MLYCD: variants seen among roughly 807,000 people sequenced by gnomAD.
MLYCD encodes malonyl-CoA decarboxylase, also known as malonyl-CoA decarboxylase, mitochondrial.
Under a neutral mutation model 35.8 loss-of-function variants are expected in MLYCD, and 27 were observed. The ratio of observed to expected loss-of-function variants is 0.75; its 90% CI spans 0.56 to 1.04. The LOEUF is 1.04. Ranked by LOEUF, MLYCD falls within the 50% of genes least tolerant of loss-of-function variation. MLYCD has a pLI of 0.00. For synonymous variants in MLYCD, 403 were observed against 302.4 expected, an observed-to-expected ratio of 1.33 and a Z score of -3.45; for missense variants, 917 against 665.1, an observed-to-expected ratio of 1.38 and a Z score of -4.17.
Position 83,915,221 on chromosome 16 carries a change from A to G in MLYCD, c.1214A>G (p.Tyr405Cys). Residue 405 changes from tyrosine (Y) to cysteine (C), a missense_variant, in exon 5 of 5, where the codon TAC (tyrosine) becomes TGC (cysteine). Physicochemically the swap from Tyr to Cys is radical, Grantham distance 194. Coordinates refer to ENST00000262430, the MANE Select transcript of MLYCD (RefSeq NM_012213.3). ...CCGCTGATGAGGCTGTGCGCCTGGTACCTGTATGGAGAGAAGCACCGCGGC... is the reference window on the plus strand; with the variant it reads ...CCGCTGATGAGGCTGTGCGCCTGGTGCCTGTATGGAGAGAAGCACCGCGGC... ...QTPLMRLCAW[Y>C]LYGEKHRGYA... 1.2e-6 allele frequency: 2 copies of G among 1,613,882 alleles called. No homozygotes were observed. The highest frequency in any genetic ancestry group is 1.1e-5 in the South Asian group (1 of 91,084).
rs1907635587 is a variant in MLYCD, at chr16:83,920,968, TGGAA to T, written c.*5489_*5492del. 1 of 144,940 alleles carries T rather than the reference TGGAA, an allele frequency of 6.9e-6. No individual in the cohort carries two copies. Among genetic ancestry groups the T allele is most frequent in the Non-Finnish European group, 1.5e-5 (1 of 66,354 alleles). 9.0% of individuals were successfully genotyped at this position (144,940 alleles called of 1,614,324 possible). ...TGACAGATGGATGGTGGAGGGTTAA[TGGAA>T]GGAAGGAAGATGGATGGGTGGAAGG... is the stretch of plus-strand genomic sequence containing the variant. On this transcript the variant is annotated 3_prime_UTR_variant, in exon 5 of 5. Transcript: ENST00000262430.
chr16:83,912,203 G>T lies in MLYCD; in HGVS notation c.799-15G>T. The T allele has an allele frequency of 6.2e-7, 1 of 1,614,152 alleles. No individual in the cohort carries two copies. The highest frequency in any genetic ancestry group is 8.5e-7 in the Non-Finnish European group (1 of 1,180,014). On this transcript the variant is annotated splice_polypyrimidine_tract_variant and intron_variant, in intron 3 of 4. Coordinates refer to ENST00000262430, the MANE Select transcript of MLYCD (RefSeq NM_012213.3). ...CGGCCAGGCCACCCTTAGAACCATCGTTGGTGTTTTCCAGGCAATCGTGAA... is the reference window on the plus strand; with the variant it reads ...CGGCCAGGCCACCCTTAGAACCATCTTTGGTGTTTTCCAGGCAATCGTGAA...
chr16:83,917,429 C>T lies in MLYCD; in HGVS notation c.*1940C>T, dbSNP rs1422386103. The T allele has an allele frequency of 6.5e-6, 1 of 154,678 alleles. No individual in the cohort carries two copies. The highest frequency in any genetic ancestry group is 1.5e-5 in the Non-Finnish European group (1 of 68,310). The allele number at this position is 154,678 out of a possible 1,614,324, so 9.6% of individuals were successfully genotyped here. ...TCTTTGTGTGTCTGTGTGCGTGTGT[C>T]CGCAGTTGCCCTGTCCTCGCTGTCC... On this transcript the variant is annotated 3_prime_UTR_variant, in exon 5 of 5. Transcript: ENST00000262430.
At chr16:83,905,881 G>A (rs990479758) in intron 1 of MLYCD, among the ~76,000 whole-genome samples, 3 of 152,244 alleles carry the variant, frequency 2.0e-5, no homozygotes, top group African/African-American at 7.2e-5. Flanking sequence ...GCACCGAGGC[G>A]ACGCTGCTCC....
At chr16:83,900,318 A>G (rs1170784147) in intron 1 of MLYCD, among the ~76,000 whole-genome samples, 1 of 152,220 alleles carries the variant, frequency 6.6e-6, no homozygotes, top group African/African-American at 2.4e-5. Context: ...TTCATGTTAA[A>G]TGCAGACACA....
intron 4 of MLYCD, chr16:83,914,643 G>A: frequency 2.5e-6 from 1 of 406,696 alleles, no homozygotes; most frequent in Non-Finnish European, 4.6e-6. Flanking sequence ...GCTGGGTGTG[G>A]CGGCGCGAGC....
chr16:83,912,506 C>T lies in MLYCD; in HGVS notation c.948+139C>T, dbSNP rs1907217030. The stretch of plus-strand genomic sequence containing the variant: ...GAGGGGCAGGGGGTAGAAAAGGTGC[C>T]AGAGACCCCTTGGCAACTCCTAGGA... On this transcript the variant is annotated intron_variant, in intron 4 of 4. Coordinates refer to ENST00000262430, the MANE Select transcript of MLYCD (RefSeq NM_012213.3). 1.2e-5 allele frequency: 14 copies of T among 1,208,940 alleles called. 1 individual carries two copies. The highest frequency in any genetic ancestry group is 1.4e-5 in the Non-Finnish European group (12 of 846,980). The allele number at this position is 1,208,940 out of a possible 1,614,324, so 74.9% of individuals were successfully genotyped here. A position where few individuals can be genotyped will look rare whatever the true frequency, so the allele number is the denominator to read the frequency against.
chr16:83,911,008 C>G (rs1448429302), intron 3 of MLYCD, among the ~76,000 whole-genome samples: 1 of 152,114 alleles, frequency 6.6e-6, no homozygotes, highest in East Asian at 1.9e-4. Context: ...GACGGAGTCT[C>G]GCTCTGTGCC....
chr16:83,907,154 G>T, intron 2 of MLYCD, 55 bp downstream of exon 2: 1 of 1,429,682 alleles, frequency 7.0e-7, no homozygotes, highest in Non-Finnish European at 9.9e-7. Context: ...ATATATTTGT[G>T]TATGTTTTAT....
Position 83,899,355 on chromosome 16 carries a change from T to C in MLYCD, c.211T>C (p.Phe71Leu), listed in dbSNP as rs1264513177. 2.0e-6 allele frequency: 3 copies of C among 1,524,694 alleles called. No homozygotes were observed. Among genetic ancestry groups the C allele is most frequent in the Admixed American group, 4.0e-5 (2 of 50,334 alleles). 94.4% of individuals were successfully genotyped at this position (1,524,694 alleles called of 1,614,324 possible). A position where few individuals can be genotyped will look rare whatever the true frequency, so the allele number is the denominator to read the frequency against. The change falls in exon 1 of 5, where the codon TTC becomes CTC. Residue 71 changes from phenylalanine to leucine, a missense_variant. Physicochemically the swap from Phe to Leu is conservative, Grantham distance 22 (BLOSUM62 0). Coordinates refer to ENST00000262430, the MANE Select transcript of MLYCD (RefSeq NM_012213.3). ...PAPAEGQCAD[F>L]VSFYGGLAET... The stretch of plus-strand genomic sequence containing the variant: ...GCCCGCCGAGGGTCAGTGCGCGGAC[T>C]TCGTGAGCTTCTACGGTGGGCTGGC...
rs59173426 is a variant in MLYCD, at chr16:83,919,995, CACA to C, written c.*4510_*4512del. ...AACAGAACACACGCAGTGCACAGGA[CACA>C]ACAGAACACACGTGCACAGGAGAAC... is the stretch of plus-strand genomic sequence containing the variant. On this transcript the variant is annotated 3_prime_UTR_variant, in exon 5 of 5. Coordinates refer to ENST00000262430, the MANE Select transcript of MLYCD (RefSeq NM_012213.3). The C allele has an allele frequency of 0.039, 5,861 of 150,314 alleles. 295 individuals carry two copies. Among genetic ancestry groups the C allele is most frequent in the African/African-American group, 0.12 (4,894 of 40,634 alleles). 9.3% of individuals were successfully genotyped at this position (150,314 alleles called of 1,614,324 possible). A position where few individuals can be genotyped will look rare whatever the true frequency, so the allele number is the denominator to read the frequency against.
chr16:83,916,634 GTC>G lies in MLYCD; in HGVS notation c.*1147_*1148del, dbSNP rs1907403459. The G allele has an allele frequency of 7.2e-6, 1 of 139,182 alleles. No homozygotes were observed. The highest frequency in any genetic ancestry group is 2.7e-5 in the African/African-American group (1 of 36,402). 8.6% of individuals were successfully genotyped at this position (139,182 alleles called of 1,614,324 possible). On this transcript the variant is annotated 3_prime_UTR_variant, in exon 5 of 5. Coordinates refer to ENST00000262430, the MANE Select transcript of MLYCD (RefSeq NM_012213.3). ...AGCGTCTCTGTGTGGATCAGTGCAC[GTC>G]TGTGTGCGTGTGCACGAGCATCTCT...
chr16:83,919,735 A>ACGGGG lies in MLYCD; in HGVS notation c.*4247_*4248insGGGGC, dbSNP rs1289163644. The ACGGGG allele has an allele frequency of 4.0e-5, 6 of 151,380 alleles. No homozygotes were observed. The highest frequency in any genetic ancestry group is 1.5e-4 in the African/African-American group (6 of 40,576). The allele number at this position is 151,380 out of a possible 1,614,324, so 9.4% of individuals were successfully genotyped here. On this transcript the variant is annotated 3_prime_UTR_variant, in exon 5 of 5. Transcript: ENST00000262430. ...GGAGAACACACAGTGCACAGAACAC[A>ACGGGG]CAGTGCACAGAACACACGGTGCACA... is the stretch of plus-strand genomic sequence containing the variant.
chr16:83,922,603 C>A lies in MLYCD; in HGVS notation c.*7114C>A, dbSNP rs978260695. The A allele has an allele frequency of 7.9e-5, 12 of 152,372 alleles. No individual in the cohort carries two copies. The highest frequency in any genetic ancestry group is 2.9e-4 in the African/African-American group (12 of 41,466). The allele number at this position is 152,372 out of a possible 1,614,324, so 9.4% of individuals were successfully genotyped here. A position where few individuals can be genotyped will look rare whatever the true frequency, so the allele number is the denominator to read the frequency against. ...TACCCTTGCTTTGCCTCAGTTTCCT[C>A]ATCTTTAAGTGGCAGTAACCATAGT... On this transcript the variant is annotated 3_prime_UTR_variant, in exon 5 of 5. Coordinates refer to ENST00000262430, the MANE Select transcript of MLYCD (RefSeq NM_012213.3).
chr16:83,907,635 T>G (rs966405283), intron 2 of MLYCD, among the ~76,000 whole-genome samples: 7 of 152,204 alleles, frequency 4.6e-5, no homozygotes, highest in African/African-American at 1.4e-4. Flanking sequence ...AATCCATGGT[T>G]TGAAAAGTGT....
At chr16:83,909,192 A>G (rs1907085073) in intron 3 of MLYCD, among the ~76,000 whole-genome samples, 1 of 152,260 alleles carries the variant, frequency 6.6e-6, no homozygotes, top group African/African-American at 2.4e-5. Context: ...ATGGATGAAA[A>G]TTCAGAATGT....
chr16:83,909,238 A>G (rs1907086498), intron 3 of MLYCD, among the ~76,000 whole-genome samples: 1 of 150,870 alleles, frequency 6.6e-6, no homozygotes, highest in Non-Finnish European at 1.5e-5. Flanking sequence ...ACTCCTAGGA[A>G]CTTCTCCTGG....
In MLYCD at chr16:83,915,431, A is replaced by G. The variant is rs200413924; in HGVS notation, c.1424A>G (p.Lys475Arg). Residue 475 changes from lysine to arginine, a missense_variant, in exon 5 of 5, where the codon AAA becomes AGA. Coordinates refer to ENST00000262430, the MANE Select transcript of MLYCD (RefSeq NM_012213.3). ...STSYLGSKII[K>R]ASEQVLSLVA... Reference sequence around the variant, plus strand: ...TCCTACCTCGGCTCCAAGATCATCAAAGCCTCTGAGCAGGTCCTCAGCCTA... The same window carrying G: ...TCCTACCTCGGCTCCAAGATCATCAGAGCCTCTGAGCAGGTCCTCAGCCTA... 7.8e-4 allele frequency: 1,263 copies of G among 1,613,684 alleles called. No individual in the cohort carries two copies. The highest frequency in any genetic ancestry group is 9.7e-4 in the Non-Finnish European group (1,149 of 1,180,036).
Position 83,915,504 on chromosome 16 carries a change from T to TGGGTGCAGTCGGAG in MLYCD, c.*15_*16insGGGTGCAGTCGGAG. 1 of 1,608,072 alleles carries TGGGTGCAGTCGGAG rather than the reference T, an allele frequency of 6.2e-7. No homozygotes were observed. ...GCAAGCTCTGACAGTAAACCTCTCC[T>TGGGTGCAGTCGGAG]AAAGCACAGGGCCCCGGCTAAGAAA... On this transcript the variant is annotated 3_prime_UTR_variant, in exon 5 of 5. Transcript: ENST00000262430.
Sources: gnomAD v4.1 joint callset for allele counts (sites outside exome capture counted in the v4.1 genomes callset) on GRCh38, gnomAD v4.1.1 for gene constraint, MANE v1.5 for transcripts, NCBI Gene and HGNC (gene_info 2026-07-23, HGNC 2026-07-21) for gene names.